Variants in GFRA2 observed in about 807,000 individuals in gnomAD.
The protein encoded by GFRA2 is GDNF family receptor alpha-2.
A neutral mutation model predicts 48.3 loss-of-function variants in GFRA2; 17 were observed. The ratio of observed to expected loss-of-function variants is 0.35; its 90% CI spans 0.24 to 0.53. The LOEUF (loss-of-function observed/expected upper bound fraction) is 0.53. Ranked by LOEUF, GFRA2 falls within the 20% of genes least tolerant of loss-of-function variation. The probability of loss-of-function intolerance (pLI) is 0.93; values close to 1 mark genes in which losing one functional copy is unlikely to be tolerated. For synonymous variants in GFRA2, 305 were observed against 257.2 expected (o/e 1.19, Z -1.78); for missense variants, 660 against 637.3 (o/e 1.04, Z -0.38).
chr8:21,750,484 A>G lies in GFRA2; in HGVS notation c.794+104T>C. The G allele has an allele frequency of 1.5e-6, 1 of 647,966 alleles. No individual in the cohort carries two copies. The highest frequency in any genetic ancestry group is 2.7e-6 in the Non-Finnish European group (1 of 371,998). 40.1% of individuals were successfully genotyped at this position (647,966 alleles called of 1,614,324 possible). A position where few individuals can be genotyped will look rare whatever the true frequency, so the allele number is the denominator to read the frequency against. ...TTTTGACACCCTTTCTGCTGGACTCAGGGTCATAATTCGATGCACCCAAGG... is the reference window on the plus strand; with the variant it reads ...TTTTGACACCCTTTCTGCTGGACTCGGGGTCATAATTCGATGCACCCAAGG... On this transcript the variant is annotated intron_variant, in intron 4 of 8. Coordinates refer to ENST00000524240, the MANE Select transcript of GFRA2 (RefSeq NM_001495.5). This position sits in a 1 kb window ranked among gnomAD's most constrained non-coding sequence, Gnocchi z 5.7.
chr8:21,694,448 T>A lies in GFRA2; in HGVS notation c.1272+16A>T. The A allele has an allele frequency of 3.7e-6, 6 of 1,610,282 alleles. No homozygotes were observed. Among genetic ancestry groups the A allele is most frequent in the Non-Finnish European group, 5.1e-6 (6 of 1,178,862 alleles). ...CCCAGCCTTCTGCACCCATCCCCACTCTGCCCCCAACTCACCTCTGTGAAG... is the reference window on the plus strand; with the variant it reads ...CCCAGCCTTCTGCACCCATCCCCACACTGCCCCCAACTCACCTCTGTGAAG... On this transcript the variant is annotated intron_variant, in intron 8 of 8. Transcript: ENST00000524240.
upstream of GFRA2, chr8:21,789,295 T>A (rs931748351): frequency 6.6e-6 from 1 of 151,670 alleles, no homozygotes; most frequent in South Asian, 2.0e-4. Context: ...CTCCTCCTCC[T>A]CCCCCCGCAG....
At chr8:21,793,361 C>G (rs1483167049), upstream of GFRA2, among the ~76,000 whole-genome samples, 1 of 152,054 alleles carries the variant, frequency 6.6e-6, no homozygotes, top group African/African-American at 2.4e-5. Context: ...GAGGGTCCAA[C>G]AGGGAGTGGC....
chr8:21,726,368 C>T (rs868771746), intron 4 of GFRA2, among the ~76,000 whole-genome samples: 1 of 152,222 alleles, frequency 6.6e-6, no homozygotes, highest in Admixed American at 6.5e-5. Flanking sequence ...CTGGTGACAG[C>T]CCCTGGAGAA....
intron 7 of GFRA2, among the ~76,000 whole-genome samples, chr8:21,701,211 G>A (rs927090474): frequency 3.9e-5 from 6 of 152,272 alleles, no homozygotes; most frequent in Admixed American, 2.0e-4. Flanking sequence ...TGGCTAACGC[G>A]GTGAAACCCC....
chr8:21,726,925 T>C (rs1341530265), intron 4 of GFRA2, among the ~76,000 whole-genome samples: 2 of 151,920 alleles, frequency 1.3e-5, no homozygotes, highest in Admixed American at 1.3e-4. Context: ...GCTAATTTTG[T>C]ATTTATAGTA....
intron 3 of GFRA2, among the ~76,000 whole-genome samples, chr8:21,762,850 CT>C (rs1805978927): frequency 6.6e-6 from 1 of 152,104 alleles, no homozygotes; most frequent in Admixed American, 6.5e-5. Context: ...TTTTACCATT[CT>C]CATACAAAAT....
At chr8:21,789,986 T>C (rs1476643965), upstream of GFRA2, 1 of 775,246 alleles carries the variant, frequency 1.3e-6, no homozygotes, top group Non-Finnish European at 1.6e-6. Context: ...AGCTCCCGGC[T>C]CCCTAGGCTC....
At position 21,788,578 on chromosome 8, in the gene GFRA2, G is replaced by A. The variant is rs1161898728; in HGVS notation, c.-419C>T. The A allele has an allele frequency of 3.8e-5, 38 of 1,002,336 alleles. No homozygotes were observed. Among genetic ancestry groups the A allele is most frequent in the African/African-American group, 6.9e-5 (4 of 58,062 alleles). The allele number at this position is 1,002,336 out of a possible 1,614,324, so 62.1% of individuals were successfully genotyped here. A position where few individuals can be genotyped will look rare whatever the true frequency, so the allele number is the denominator to read the frequency against. On this transcript the variant is annotated 5_prime_UTR_variant, in exon 1 of 9. Coordinates refer to ENST00000524240, the MANE Select transcript of GFRA2 (RefSeq NM_001495.5). ...CGATTTGCGAGTGAAGGGCTGGAAGGAAGCGGCGAGGGAGGGGGTCGGAAT... is the reference window on the plus strand; with the variant it reads ...CGATTTGCGAGTGAAGGGCTGGAAGAAAGCGGCGAGGGAGGGGGTCGGAAT...
chr8:21,789,995 T>C (rs1222628073), upstream of GFRA2: 2 of 836,434 alleles, frequency 2.4e-6, no homozygotes, highest in African/African-American at 3.7e-5. Context: ...CTCCCTAGGC[T>C]CCGGGGTTGG....
chr8:21,728,350 C>T (rs150475237), intron 4 of GFRA2, among the ~76,000 whole-genome samples: 3,084 of 138,102 alleles, frequency 0.022, 103 homozygotes, highest in African/African-American at 0.077. Flanking sequence ...TCTTAGCTCA[C>T]TGCAACCTCT....
chr8:21,721,916 C>T (rs532492235), intron 4 of GFRA2, among the ~76,000 whole-genome samples: 22 of 152,292 alleles, frequency 1.4e-4, no homozygotes, highest in African/African-American at 5.3e-4. Flanking sequence ...CCATTCCAAG[C>T]CTTCTAGAGA....
intron 4 of GFRA2, among the ~76,000 whole-genome samples, chr8:21,743,464 A>C (rs561362114): frequency 3.4e-4 from 52 of 152,356 alleles, no homozygotes; most frequent in African/African-American, 1.1e-3. Context: ...TATCTTCTAC[A>C]CAATTGTAGC....
intron 3 of GFRA2, among the ~76,000 whole-genome samples, chr8:21,761,508 G>A (rs1805910175): frequency 6.6e-6 from 1 of 152,184 alleles, no homozygotes; most frequent in Non-Finnish European, 1.5e-5. Flanking sequence ...ACCTCTTTGA[G>A]CCTCACTTTC....
At chr8:21,712,481 G>T (rs917695859) in intron 4 of GFRA2, among the ~76,000 whole-genome samples, 90 of 151,766 alleles carry the variant, frequency 5.9e-4, no homozygotes, top group Non-Finnish European at 1.0e-3. Flanking sequence ...TCACTTCCTA[G>T]ATGGGATGGC....
chr8:21,705,175 C>T (rs1384942659), intron 5 of GFRA2, 50 bp from the exon 6 acceptor site: 5 of 1,556,828 alleles, frequency 3.2e-6, no homozygotes, highest in South Asian at 2.5e-5. Flanking sequence ...GTGGGGCCTT[C>T]CCCTTGGGCC....
At chr8:21,792,631 G>A (rs1291545209), upstream of GFRA2, among the ~76,000 whole-genome samples, 1 of 152,346 alleles carries the variant, frequency 6.6e-6, no homozygotes, top group Admixed American at 6.5e-5. Context: ...TGGTACCACT[G>A]GATTTCAGGA....
intron 1 of GFRA2, 66 bp downstream of exon 1, chr8:21,788,054 T>A: frequency 4.6e-6 from 1 of 216,166 alleles, no homozygotes; most frequent in Non-Finnish European, 8.5e-6. Flanking sequence ...CCACCGGCGC[T>A]CCGCTCGCCC....
intron 3 of GFRA2, among the ~76,000 whole-genome samples, chr8:21,769,480 G>A (rs1167521367): frequency 6.6e-6 from 1 of 152,206 alleles, no homozygotes; most frequent in African/African-American, 2.4e-5. Context: ...GCCAGTGCTT[G>A]CAGGGCAGCT....
Sources: allele counts gnomAD v4.1 joint callset (sites outside exome capture counted in the v4.1 genomes callset), GRCh38; gene constraint gnomAD v4.1.1; non-coding constraint Gnocchi (gnomAD v3.1); transcripts MANE v1.5; gene names NCBI Gene and HGNC (gene_info 2026-07-23, HGNC 2026-07-21).